Variants in HCFC1 observed in about 807,000 individuals in gnomAD.
HCFC1 encodes the protein host cell factor 1.
Under a neutral mutation model 105.5 loss-of-function variants are expected in HCFC1, and 7 were observed. That is an observed-to-expected ratio of 0.07 (90% CI 0.04 to 0.12). HCFC1 has a LOEUF of 0.12. Ranked by LOEUF, HCFC1 falls within the 10% of genes least tolerant of loss-of-function variation. The pLI is 1.00. For synonymous variants in HCFC1, 918 were observed against 828.1 expected (o/e 1.11, Z -1.86); for missense variants, 1,065 against 1,823.6 (o/e 0.58, Z 7.58).
In HCFC1 at chrX:153,961,529, G is replaced by A. The variant is rs781879407; in HGVS notation, c.904+13C>T. On this transcript the variant is annotated intron_variant, in intron 6 of 25. Transcript: ENST00000310441. ...GCCTCCCACAGGCCACTCGGAGCCC[G>A]AGGAGGCCATACCCAGGTTGAGACA... 20 of 1,152,226 alleles carry A rather than the reference G, an allele frequency of 1.7e-5. No homozygotes were observed. Among genetic ancestry groups the A allele is most frequent in the Non-Finnish European group, 2.4e-5 (20 of 844,536 alleles). The allele number at this position is 1,152,226 out of a possible 1,213,427, so 95.0% of individuals were successfully genotyped here. A position where few individuals can be genotyped will look rare whatever the true frequency, so the allele number is the denominator to read the frequency against.
At position 153,955,534 on chromosome X, in the gene HCFC1, G is replaced by A; in HGVS notation, c.2865C>T (p.Ser955=). Residue 955 remains serine, a synonymous_variant, in exon 17 of 26, where the codon TCC becomes TCT. Transcript: ENST00000310441. ...TGATCAGAGTTACCTGGGTGGGCTG[G>A]GACACGGGCTGGGGAGACACACGAG... ...TTPTITMQPV[S]QPTQVTLITA... 1 of 1,170,634 alleles carries A rather than the reference G, an allele frequency of 8.5e-7. No homozygotes were observed. Among genetic ancestry groups the A allele is most frequent in the African/African-American group, 1.8e-5 (1 of 56,980 alleles).
Position 153,953,668 on chromosome X carries a change from G to T in HCFC1, c.4436C>A (p.Thr1479Lys), listed in dbSNP as rs1603295014. Residue 1479 changes from threonine to lysine, a missense_variant, in exon 18 of 26, where the codon ACA (threonine) becomes AAA (lysine). By Grantham distance (78) the Thr-to-Lys change is moderately conservative (BLOSUM62 -1). This residue lies in a region of HCFC1 where 546 missense variants were observed against 599.9 expected (regional missense o/e 0.91). Transcript: ENST00000310441. ...CACGGTGGTCACAGCCCGCGTCAGT[G>T]TGGAGGACACGGTTGTCGTGATGGC... ...SSAITTTVSSTLTRAVTTVTQ... is the reference protein window; with the variant it reads ...SSAITTTVSSKLTRAVTTVTQ... The T allele has an allele frequency of 2.5e-6, 3 of 1,211,104 alleles. No homozygotes were observed. The highest frequency in any genetic ancestry group is 2.3e-4 in the Middle Eastern group (1 of 4,340).
chrX:153,962,764 C>CCA (rs781790733), intron 4 of HCFC1, among the ~76,000 whole-genome samples: 5 of 111,597 alleles, frequency 4.5e-5, no homozygotes, highest in Non-Finnish European at 9.4e-5. Context: ...CTCCGGAGAT[C>CCA]CACAGTTAGT....
chrX:153,950,198 C>T, intron 24 of HCFC1, 45 bp downstream of exon 24: 2 of 1,104,870 alleles, frequency 1.8e-6, no homozygotes, highest in Non-Finnish European at 2.4e-6. Context: ...CACCCGGCTT[C>T]CTGGGCCTTC....
In HCFC1 at chrX:153,957,584, G is replaced by A. The variant is rs782681141; in HGVS notation, c.2134-51C>T. The A allele has an allele frequency of 1.7e-5, 17 of 1,023,977 alleles. No homozygotes were observed. The Admixed American group carries it at 4.0e-4, about 24-fold the overall frequency. The allele number at this position is 1,023,977 out of a possible 1,213,427, so 84.4% of individuals were successfully genotyped here. A position where few individuals can be genotyped will look rare whatever the true frequency, so the allele number is the denominator to read the frequency against. ...GCCGGCATCACTGCCAGGAAGGGAA[G>A]TGTGGTCTGGCTACTCTCCGCCGGC... On this transcript the variant is annotated intron_variant, in intron 12 of 25. Transcript: ENST00000310441.
At position 153,958,184 on chromosome X, in the gene HCFC1, G is replaced by A. The variant is rs782463580; in HGVS notation, c.1869C>T (p.Ser623=). ...AAAQVGTSVS[S]ATNTSTRPII... ...TAGGGCGGGTAGACGTGTTGGTGGC[G>A]GAGGAAACCGATGTCCCCACCTGGG... is the stretch of plus-strand genomic sequence containing the variant. The change falls in exon 11 of 26, where the codon TCC becomes TCT. Residue 623 remains serine, a synonymous_variant. Transcript: ENST00000310441. The A allele has an allele frequency of 9.2e-5, 111 of 1,210,778 alleles. No homozygotes were observed. In the South Asian group the frequency reaches 1.6e-3, roughly 17 times the overall value.
chrX:153,953,054 G>A (rs1557113137), intron 18 of HCFC1, 96 bp from the exon 19 acceptor site: 1 of 678,339 alleles, frequency 1.5e-6, no homozygotes, highest in Admixed American at 2.6e-5. Flanking sequence ...TCAGTAGTCA[G>A]AGCCCTTGGG....
Position 153,954,413 on chromosome X carries a change from G to A in HCFC1, c.3986C>T (p.Thr1329Ile), listed in dbSNP as rs1557113760. Residue 1329 changes from threonine to isoleucine, a missense_variant, in exon 17 of 26, where the codon ACC becomes ATC. This residue lies in a region of HCFC1 where 546 missense variants were observed against 599.9 expected (regional missense o/e 0.91). Coordinates refer to ENST00000310441, the MANE Select transcript of HCFC1 (RefSeq NM_005334.3). ...AGTAGCGGTGGTGGCCGTGTGGGTGGTGCCCGTCTCGTGGGTCTCGCATGG... is the reference window on the plus strand; with the variant it reads ...AGTAGCGGTGGTGGCCGTGTGGGTGATGCCCGTCTCGTGGGTCTCGCATGG... ...NPPCETHETG[T>I]THTATTATSN... 1 of 1,211,378 alleles carries A rather than the reference G, an allele frequency of 8.3e-7. No individual in the cohort carries two copies. Among genetic ancestry groups the A allele is most frequent in the Non-Finnish European group, 1.1e-6 (1 of 895,182 alleles).
At position 153,956,579 on chromosome X, in the gene HCFC1, C is replaced by T. The variant is rs782692507; in HGVS notation, c.2635+46G>A. 32 of 1,201,652 alleles carry T rather than the reference C, an allele frequency of 2.7e-5. No homozygotes were observed. In the Admixed American group the frequency reaches 5.4e-4, roughly 20 times the overall value. On this transcript the variant is annotated intron_variant, in intron 15 of 25. Coordinates refer to ENST00000310441, the MANE Select transcript of HCFC1 (RefSeq NM_005334.3). ...TGGGGATTGAAGGCCAGCCCTGCTT[C>T]GTTATAATCTAGGGGTGGCAGGGGA...
chrX:153,953,632 G>T lies in HCFC1; in HGVS notation c.4472C>A (p.Thr1491Lys). The stretch of plus-strand genomic sequence containing the variant: ...CGGCACAGAGGGGCCCGGGACCGGT[G>T]TGGACTGCGTCACGGTGGTCACAGC... ...TRAVTTVTQS[T>K]PVPGPSVPPP... Residue 1491 changes from threonine (T) to lysine (K), a missense_variant, in exon 18 of 26, where the codon ACA becomes AAA. Around this residue, in one of 17 missense-constraint regions of HCFC1, gnomAD observed 546 missense variants for 599.9 expected, o/e 0.91. Transcript: ENST00000310441. The T allele has an allele frequency of 8.3e-7, 1 of 1,210,829 alleles. No homozygotes were observed.
chrX:153,969,007 G>T (rs1175987570), intron 1 of HCFC1, among the ~76,000 whole-genome samples: 3 of 112,316 alleles, frequency 2.7e-5, no homozygotes, highest in African/African-American at 3.2e-5. Context: ...GAGGCAACAG[G>T]TGCTGAGAGA....
chrX:153,949,013 C>G lies in HCFC1; in HGVS notation c.*334G>C, dbSNP rs1358297245. The G allele has an allele frequency of 6.2e-6, 1 of 160,795 alleles. No individual in the cohort carries two copies. The highest frequency in any genetic ancestry group is 1.2e-5 in the Non-Finnish European group (1 of 85,570). 13.3% of individuals were successfully genotyped at this position (160,795 alleles called of 1,213,427 possible). A position where few individuals can be genotyped will look rare whatever the true frequency, so the allele number is the denominator to read the frequency against. ...CTGCCCCCGACCTGGCCCTCAGGAA[C>G]GCACAGCCTTGGGAGGGCGGAGCTG... On this transcript the variant is annotated 3_prime_UTR_variant, in exon 26 of 26. Coordinates refer to ENST00000310441, the MANE Select transcript of HCFC1 (RefSeq NM_005334.3).
At chrX:153,961,952 A>C (rs2065432991) in intron 5 of HCFC1, among the ~76,000 whole-genome samples, 1 of 112,000 alleles carries the variant, frequency 8.9e-6, no homozygotes, top group African/African-American at 3.3e-5. Flanking sequence ...TGCACAGAGG[A>C]CCTAGAACAC....
At position 153,955,021 on chromosome X, in the gene HCFC1, G is replaced by T; in HGVS notation, c.3378C>A (p.Ser1126Arg). Residue 1126 changes from serine (S) to arginine (R), a missense_variant, in exon 17 of 26, where the codon AGC becomes AGA. Around this residue, in one of 17 missense-constraint regions of HCFC1, gnomAD observed 546 missense variants for 599.9 expected, o/e 0.91. Transcript: ENST00000310441. ...TTNTATTAMS[S>R]VGANHQRDAR... The stretch of plus-strand genomic sequence containing the variant: ...CATCTCGCTGGTGGTTGGCGCCGAC[G>T]CTCGACATGGCTGTAGTGGCAGTGT... 1 of 1,210,123 alleles carries T rather than the reference G, an allele frequency of 8.3e-7. No individual in the cohort carries two copies.
intron 1 of HCFC1, chrX:153,970,224 G>C (rs1472843415): frequency 8.7e-6 from 1 of 115,590 alleles, no homozygotes; most frequent in Non-Finnish European, 1.8e-5. Context: ...CCCAGCCCCA[G>C]CCCCAGCCCG....
Position 153,949,330 on chromosome X carries a change from G to A in HCFC1, c.*17C>T. The A allele has an allele frequency of 8.4e-7, 1 of 1,196,877 alleles. No homozygotes were observed. The highest frequency in any genetic ancestry group is 1.1e-6 in the Non-Finnish European group (1 of 883,615). On this transcript the variant is annotated 3_prime_UTR_variant, in exon 26 of 26. Coordinates refer to ENST00000310441, the MANE Select transcript of HCFC1 (RefSeq NM_005334.3). ...AGGGGGGTCTGGAGAAGAATCCAGG[G>A]GCTAGTCAGCTTCCTCTCACTGACC...
At chrX:153,962,858 A>C (rs1196912639) in intron 4 of HCFC1, among the ~76,000 whole-genome samples, 8 of 111,757 alleles carry the variant, frequency 7.2e-5, no homozygotes, top group Non-Finnish European at 3.8e-5. Context: ...CCGGCATCCA[A>C]TGGTACCACA....
Position 153,950,286 on chromosome X carries a change from A to G in HCFC1, c.5961T>C (p.Asn1987=). Residue 1987 remains asparagine (N), a synonymous_variant, in exon 24 of 26, where the codon AAT becomes AAC. Transcript: ENST00000310441. ...PAIIFRIAAR[N]EKGYGPATQV... is the part of the protein sequence containing the mutation. ...GTGTGGCCGGGCCATAGCCCTTCTC[A>G]TTGCGGGCGGCGATGCGGAAGATGA... 2 of 1,204,029 alleles carry G rather than the reference A, an allele frequency of 1.7e-6. No individual in the cohort carries two copies. The highest frequency in any genetic ancestry group is 2.4e-4 in the Middle Eastern group (1 of 4,124).
chrX:153,961,543 C>T lies in HCFC1; in HGVS notation c.903G>A (p.Leu301=), dbSNP rs1317857885. ...KCTNTLACLN[L]DTMAWETILM... ...ACTCGGAGCCCGAGGAGGCCATACC[C>T]AGGTTGAGACAAGCCAGCGTGTTGG... The change falls in exon 6 of 26, where the codon CTG becomes CTA. Residue 301 remains leucine (L), a splice_region_variant and synonymous_variant. Coordinates refer to ENST00000310441, the MANE Select transcript of HCFC1 (RefSeq NM_005334.3). 4 of 1,192,303 alleles carry T rather than the reference C, an allele frequency of 3.4e-6. No individual in the cohort carries two copies.
Sources: gnomAD v4.1 joint callset for allele counts (sites outside exome capture counted in the v4.1 genomes callset) on GRCh38, gnomAD v4.1.1 for gene constraint, gnomAD v4.1.1 regional missense constraint, MANE v1.5 for transcripts, NCBI Gene and HGNC (gene_info 2026-07-23, HGNC 2026-07-21) for gene names.